The following TRIM33 variants were observed in gnomAD, a reference collection of about 807,000 sequenced individuals.
The protein encoded by TRIM33 is E3 ubiquitin-protein ligase TRIM33.
Under a neutral mutation model 125.4 loss-of-function variants are expected in TRIM33, and 20 were observed. That is an observed-to-expected ratio of 0.16 (90% CI 0.11 to 0.23). TRIM33 has a LOEUF of 0.23. Ranked by LOEUF, TRIM33 falls within the 10% of genes least tolerant of loss-of-function variation. TRIM33 has a pLI of 1.00. For missense variants in TRIM33, 920 were observed against 1,411.4 expected, an observed-to-expected ratio of 0.65 and a Z score of 5.58; for synonymous variants, 564 against 513.9, an observed-to-expected ratio of 1.10 and a Z score of -1.32.
chr1:114,401,545 C>T, intron 16 of TRIM33, 82 bp from the exon 17 acceptor site: 1 of 1,193,180 alleles, frequency 8.4e-7, no homozygotes, highest in Non-Finnish European at 1.2e-6. Context: ...TATATCACAA[C>T]AAAGTTTGAT....
chr1:114,426,408 T>C (rs1483753667), intron 8 of TRIM33, among the ~76,000 whole-genome samples: 4 of 152,176 alleles, frequency 2.6e-5, no homozygotes, highest in Non-Finnish European at 1.5e-5. Flanking sequence ...GTAAAAACCA[T>C]TCTTAGCTAC....
At chr1:114,465,560 C>A (rs1650241629) in intron 1 of TRIM33, among the ~76,000 whole-genome samples, 1 of 152,136 alleles carries the variant, frequency 6.6e-6, no homozygotes, top group South Asian at 2.1e-4. Flanking sequence ...GTAATCCCAA[C>A]ACTTTGGGAG....
chr1:114,437,448 C>T (rs1648376931), intron 4 of TRIM33, among the ~76,000 whole-genome samples: 1 of 152,174 alleles, frequency 6.6e-6, no homozygotes, highest in Admixed American at 6.5e-5. Flanking sequence ...AAGCGATTCT[C>T]CTGCCTCAGC....
intron 4 of TRIM33, among the ~76,000 whole-genome samples, chr1:114,461,298 A>ATTATATT (rs71090778): frequency 0.19 from 27,652 of 143,204 alleles, 2,936 homozygotes; most frequent in Non-Finnish European, 0.23. Flanking sequence ...ATATTTATAT[A>ATTATATT]TTATATTTTA....
chr1:114,401,993 A>C (rs1651923310), intron 16 of TRIM33, among the ~76,000 whole-genome samples: 1 of 152,234 alleles, frequency 6.6e-6, no homozygotes, highest in Non-Finnish European at 1.5e-5. Context: ...TTCTTTTAAT[A>C]CAAGTTTGTA....
chr1:114,462,283 C>T (rs914800601), intron 4 of TRIM33, among the ~76,000 whole-genome samples: 2 of 152,138 alleles, frequency 1.3e-5, no homozygotes, highest in Admixed American at 1.3e-4. Context: ...TTTAAGAAGG[C>T]TCTAATAAAC....
At chr1:114,419,771 G>C (rs559458628) in intron 11 of TRIM33, among the ~76,000 whole-genome samples, 1 of 152,122 alleles carries the variant, frequency 6.6e-6, no homozygotes, top group Admixed American at 6.5e-5. Context: ...CAGGAGCAGG[G>C]GGATGGGTAA....
intron 11 of TRIM33, 143 bp downstream of exon 11, chr1:114,421,293 A>C: frequency 1.3e-6 from 1 of 759,456 alleles, no homozygotes. Flanking sequence ...CTGGAAGGAG[A>C]CTTTTAGTGA....
chr1:114,430,702 A>AC (rs1647892255), intron 6 of TRIM33, 96 bp downstream of exon 6: 6 of 737,330 alleles, frequency 8.1e-6, no homozygotes, highest in African/African-American at 1.8e-5. Context: ...TTATTTCCAT[A>AC]CCCCCCAATC....
At chr1:114,486,941 G>C (rs1230084483) in intron 1 of TRIM33, among the ~76,000 whole-genome samples, 1 of 151,908 alleles carries the variant, frequency 6.6e-6, no homozygotes, top group Admixed American at 6.6e-5. Context: ...ACAAAAATTA[G>C]CCAGGTATGG....
chr1:114,440,789 T>C (rs1217851855), intron 4 of TRIM33, among the ~76,000 whole-genome samples: 3 of 151,898 alleles, frequency 2.0e-5, no homozygotes, highest in Non-Finnish European at 4.4e-5. Context: ...TTAAGAGAAA[T>C]GGAGAATGGA....
At chr1:114,436,466 G>GT (rs1009875099) in intron 4 of TRIM33, among the ~76,000 whole-genome samples, 1 of 150,104 alleles carries the variant, frequency 6.7e-6, no homozygotes, top group African/African-American at 2.4e-5. Context: ...TTTTCAGAGA[G>GT]TTTTTTTGTT....
intron 4 of TRIM33, among the ~76,000 whole-genome samples, chr1:114,447,151 T>C (rs891529415): frequency 4.6e-5 from 7 of 152,164 alleles, no homozygotes; most frequent in African/African-American, 1.7e-4. Context: ...GGATTCACTC[T>C]AGCAGTTGTA....
intron 12 of TRIM33, 90 bp from the exon 13 acceptor site, chr1:114,408,830 C>A: frequency 3.4e-6 from 3 of 893,140 alleles, no homozygotes; most frequent in South Asian, 1.6e-5. Context: ...ATTATTATAA[C>A]CCAGCTAAAA....
chr1:114,499,274 G>C (rs1652567619), intron 1 of TRIM33, among the ~76,000 whole-genome samples: 1 of 152,072 alleles, frequency 6.6e-6, no homozygotes, highest in Non-Finnish European at 1.5e-5. Flanking sequence ...ACAAAGAATG[G>C]GGAAGACATG....
chr1:114,436,272 T>A (rs1258291350), intron 4 of TRIM33, among the ~76,000 whole-genome samples: 2 of 151,266 alleles, frequency 1.3e-5, no homozygotes, highest in East Asian at 4.0e-4. Flanking sequence ...CATGGTGGTG[T>A]GCACCTGTAG....
chr1:114,394,461 TGATAAA>T lies in TRIM33; in HGVS notation c.*3181_*3186del, dbSNP rs1651439078. 4.6e-6 allele frequency: 1 copy of T among 216,966 alleles called. No homozygotes were observed. The highest frequency in any genetic ancestry group is 9.3e-6 in the Non-Finnish European group (1 of 107,594). The allele number at this position is 216,966 out of a possible 1,614,324, so 13.4% of individuals were successfully genotyped here. Reference sequence around the variant, plus strand: ...ATGGCAGGATACCTGCTGAGGTAATTGATAAATCTACAATTTGCACACTTATAAACC... The same window carrying T: ...ATGGCAGGATACCTGCTGAGGTAATTTCTACAATTTGCACACTTATAAACC... On this transcript the variant is annotated 3_prime_UTR_variant, in exon 20 of 20. Coordinates refer to ENST00000358465, the MANE Select transcript of TRIM33 (RefSeq NM_015906.4).
chr1:114,475,600 G>A (rs1214938561), intron 1 of TRIM33, among the ~76,000 whole-genome samples: 2 of 152,040 alleles, frequency 1.3e-5, no homozygotes, highest in Non-Finnish European at 2.9e-5. Context: ...GGATAATGGC[G>A]TGAACCTGGA....
chr1:114,433,897 C>T (rs547456181), intron 4 of TRIM33, among the ~76,000 whole-genome samples, 164 bp from the exon 5 acceptor site: 14 of 152,218 alleles, frequency 9.2e-5, no homozygotes, highest in Admixed American at 2.0e-4. Context: ...TGGCAATCAC[C>T]CATCTCCCTC....
Sources: gnomAD v4.1 joint callset for allele counts (sites outside exome capture counted in the v4.1 genomes callset) on GRCh38, gnomAD v4.1.1 for gene constraint, MANE v1.5 for transcripts, NCBI Gene and HGNC (gene_info 2026-07-23, HGNC 2026-07-21) for gene names.